The following TGFB3 variants were observed in gnomAD, a reference collection of about 807,000 sequenced individuals.
TGFB3 encodes transforming growth factor beta 3, also known as transforming growth factor beta-3 proprotein.
In TGFB3, 5 loss-of-function variants were observed where a neutral mutation model predicts 40.1. The observed-to-expected ratio is 0.12, with a 90% CI of 0.07 to 0.26. The LOEUF (loss-of-function observed/expected upper bound fraction) is 0.26. Among genes scored for constraint, TGFB3 ranks in the 10% least tolerant of loss-of-function variants. TGFB3 has a pLI of 1.00. For missense variants in TGFB3, 373 were observed against 530.1 expected (o/e 0.70, Z 2.91); for synonymous variants, 184 against 205.6 (o/e 0.89, Z 0.90).
intron 5 of TGFB3, among the ~76,000 whole-genome samples, chr14:75,962,511 GACTC>G (rs2035169300): frequency 6.6e-6 from 1 of 152,142 alleles, no homozygotes; most frequent in Non-Finnish European, 1.5e-5. Context: ...AGGCCAGATG[GACTC>G]ACTCACTCAT....
At position 75,958,675 on chromosome 14, in the gene TGFB3, T is replaced by C. The variant is rs1015808317; in HGVS notation, c.*512A>G. The C allele has an allele frequency of 1.9e-5, 4 of 214,232 alleles. No homozygotes were observed. Among genetic ancestry groups the C allele is most frequent in the African/African-American group, 6.9e-5 (3 of 43,318 alleles). The allele number at this position is 214,232 out of a possible 1,614,324, so 13.3% of individuals were successfully genotyped here. ...AATCCCAGACAGTATGAGATACAAT[T>C]CTGGGACTTTGTCTTCGTAACCTGT... On this transcript the variant is annotated 3_prime_UTR_variant, in exon 7 of 7. Coordinates refer to ENST00000238682, the MANE Select transcript of TGFB3 (RefSeq NM_003239.5).
intron 3 of TGFB3, among the ~76,000 whole-genome samples, chr14:75,969,035 T>G (rs556581147): frequency 6.6e-6 from 1 of 152,126 alleles, no homozygotes; most frequent in African/African-American, 2.4e-5. Flanking sequence ...CTCTGACGGA[T>G]GGTTATCAGG....
intron 5 of TGFB3, 167 bp downstream of exon 5, chr14:75,963,149 A>G: frequency 1.2e-6 from 1 of 810,416 alleles, no homozygotes; most frequent in South Asian, 1.5e-5. Context: ...ACAGAAAGAG[A>G]TTTCACAGAG....
intron 5 of TGFB3, among the ~76,000 whole-genome samples, chr14:75,962,686 T>G (rs1346469219): frequency 6.6e-6 from 1 of 152,174 alleles, no homozygotes; most frequent in Non-Finnish European, 1.5e-5. Context: ...TCGGACCCTC[T>G]CATGGGCGTG....
chr14:75,965,577 C>A lies in TGFB3; in HGVS notation c.754+11G>T. On this transcript the variant is annotated intron_variant, in intron 4 of 6. Coordinates refer to ENST00000238682, the MANE Select transcript of TGFB3 (RefSeq NM_003239.5). ...ACTCACCCATCCTACCATACACATT[C>A]ATTTTGTTACCTTTGAATTTGATTT... The A allele has an allele frequency of 1.2e-6, 2 of 1,606,344 alleles. No homozygotes were observed. The highest frequency in any genetic ancestry group is 1.7e-6 in the Non-Finnish European group (2 of 1,172,946).
chr14:75,965,973 C>G (rs1346124325), intron 3 of TGFB3: 3 of 457,324 alleles, frequency 6.6e-6, no homozygotes, highest in Non-Finnish European at 1.2e-5. Flanking sequence ...TAATCATTCC[C>G]TTTGAAAGGA....
At chr14:75,967,397 G>A (rs186011928) in intron 3 of TGFB3, among the ~76,000 whole-genome samples, 69 of 152,312 alleles carry the variant, frequency 4.5e-4, no homozygotes, top group Middle Eastern at 3.4e-3. Flanking sequence ...TGAATGGAGA[G>A]GGAGGTATGA....
In TGFB3 at chr14:75,980,709, A is replaced by T; in HGVS notation, c.185T>A (p.Met62Lys). ...RLTSPPEPTV[M>K]THVPYQVLAL... ...CAGGACCTGATAGGGGACGTGGGTC[A>T]TCACCGTTGGCTCAGGGGGGCTGGT... is the stretch of plus-strand genomic sequence containing the variant. The change falls in exon 1 of 7, where the codon ATG (methionine) becomes AAG (lysine). Residue 62 changes from methionine to lysine, a missense_variant. Met to Lys is a moderately conservative substitution (Grantham distance 95, BLOSUM62 -1). Transcript: ENST00000238682. The surrounding 1 kb of genome is among the most constrained non-coding windows in gnomAD (Gnocchi z 4.3). 10 of 1,614,184 alleles carry T rather than the reference A, an allele frequency of 6.2e-6. No individual in the cohort carries two copies. Among genetic ancestry groups the T allele is most frequent in the Non-Finnish European group, 8.5e-6 (10 of 1,180,030 alleles).
rs576214459 is a variant in TGFB3 at position 75,980,639 on chromosome 14, C to A, written c.255G>T (p.Gly85=). The A allele has an allele frequency of 1.2e-6, 2 of 1,614,228 alleles. No individual in the cohort carries two copies. Among genetic ancestry groups the A allele is most frequent in the African/African-American group, 1.3e-5 (1 of 75,060 alleles). Residue 85 remains glycine (G), a synonymous_variant, in exon 1 of 7, where the codon GGG becomes GGT. Transcript: ENST00000238682. This position sits in a 1 kb window ranked among gnomAD's most constrained non-coding sequence, Gnocchi z 4.3. ...CCTGGGTGCAGCCTTCCTCCCTCTC[C>A]CCATGCATCTCCTCCAGCAGCTCCC... The part of the protein sequence containing the change: ...STRELLEEMH[G]EREEGCTQEN...
chr14:75,963,131 C>A (rs983376168), intron 5 of TGFB3, 185 bp downstream of exon 5: 21 of 733,074 alleles, frequency 2.9e-5, no homozygotes, highest in Non-Finnish European at 4.7e-5. Context: ...AGTGGGACTC[C>A]CAGGAAAACA....
chr14:75,980,469 C>CA lies in TGFB3; in HGVS notation c.352+72_352+73insT. The CA allele has an allele frequency of 6.8e-7, 1 of 1,478,284 alleles. No homozygotes were observed. Among genetic ancestry groups the CA allele is most frequent in the Non-Finnish European group, 9.5e-7 (1 of 1,057,610 alleles). The allele number at this position is 1,478,284 out of a possible 1,614,324, so 91.6% of individuals were successfully genotyped here. A position where few individuals can be genotyped will look rare whatever the true frequency, so the allele number is the denominator to read the frequency against. On this transcript the variant is annotated intron_variant, in intron 1 of 6. Transcript: ENST00000238682. The surrounding 1 kb of genome is among the most constrained non-coding windows in gnomAD (Gnocchi z 4.3). ...ACCCTGCTGTGTGGCCAGCACTAGG[C>CA]CCCCCTCTGCAGAGCTCCCAGCTCC...
In TGFB3 at chr14:75,979,781, C is replaced by T. The variant is rs1023964355; in HGVS notation, c.352+761G>A. On this transcript the variant is annotated intron_variant, in intron 1 of 6. Transcript: ENST00000238682. The surrounding 1 kb of genome is among the most constrained non-coding windows in gnomAD (Gnocchi z 4.8). ...ACACAAAGGGCGCCAGCCTCCTCTACGCATCCACAGCCAAAACCCGCTCTC... is the reference window on the plus strand; with the variant it reads ...ACACAAAGGGCGCCAGCCTCCTCTATGCATCCACAGCCAAAACCCGCTCTC... Among the ~76,000 whole-genome samples the T allele has an allele frequency of 3.3e-5, 5 of 151,128 alleles. No individual in the cohort carries two copies. Among genetic ancestry groups the T allele is most frequent in the African/African-American group, 4.9e-5 (2 of 41,096 alleles).
Position 75,980,630 on chromosome 14 carries a change from C to T in TGFB3, c.264G>A (p.Glu88=). The T allele has an allele frequency of 1.4e-5, 22 of 1,614,222 alleles. No homozygotes were observed. Among genetic ancestry groups the T allele is most frequent in the Non-Finnish European group, 1.9e-5 (22 of 1,180,050 alleles). Residue 88 remains glutamate, a synonymous_variant, in exon 1 of 7, where the codon GAG becomes GAA. Coordinates refer to ENST00000238682, the MANE Select transcript of TGFB3 (RefSeq NM_003239.5). The surrounding 1 kb of genome is among the most constrained non-coding windows in gnomAD (Gnocchi z 4.3). The part of the protein sequence containing the change: ...ELLEEMHGER[E]EGCTQENTES... ...CGGTGTTTTCCTGGGTGCAGCCTTCCTCCCTCTCCCCATGCATCTCCTCCA... is the reference window on the plus strand; with the variant it reads ...CGGTGTTTTCCTGGGTGCAGCCTTCTTCCCTCTCCCCATGCATCTCCTCCA...
rs1247545824 is a variant in TGFB3, at chr14:75,979,715, A to T, written c.352+827T>A. ...GACATATCCCCCCCCCCCACCATGC[A>T]CCCACTGCCACCCCTCCACCCGCTC... On this transcript the variant is annotated intron_variant, in intron 1 of 6. Coordinates refer to ENST00000238682, the MANE Select transcript of TGFB3 (RefSeq NM_003239.5). The surrounding 1 kb of genome is among the most constrained non-coding windows in gnomAD (Gnocchi z 4.8). Among the ~76,000 whole-genome samples the T allele has an allele frequency of 1.3e-5, 1 of 76,858 alleles. No homozygotes were observed. The highest frequency in any genetic ancestry group is 2.9e-5 in the Non-Finnish European group (1 of 34,722). 50.4% of individuals were successfully genotyped at this position (76,858 alleles called of 152,430 possible).
intron 1 of TGFB3, among the ~76,000 whole-genome samples, chr14:75,977,756 C>T (rs900014811): frequency 2.6e-5 from 4 of 151,588 alleles, no homozygotes; most frequent in Non-Finnish European, 4.4e-5. Flanking sequence ...TCTGACCTCT[C>T]CTGCTTGGTC....
chr14:75,982,385 G>A (rs1462515208), upstream of TGFB3, among the ~76,000 whole-genome samples: 5 of 152,282 alleles, frequency 3.3e-5, no homozygotes, highest in South Asian at 1.0e-3. The surrounding 1 kb of genome is among the most constrained non-coding windows in gnomAD (Gnocchi z 4.0). Flanking sequence ...GCCCAACCCG[G>A]GGCAGGGTCC....
chr14:75,963,756 A>C (rs2035188447), intron 4 of TGFB3, among the ~76,000 whole-genome samples: 1 of 152,190 alleles, frequency 6.6e-6, no homozygotes, highest in Non-Finnish European at 1.5e-5. Flanking sequence ...CCTTGTATAG[A>C]AATCTTCCAA....
rs1368162205 is a variant in TGFB3 at position 75,981,291 on chromosome 14, G to T, written c.-398C>A. 4.0e-6 allele frequency: 1 copy of T among 248,244 alleles called. No individual in the cohort carries two copies. The highest frequency in any genetic ancestry group is 7.9e-6 in the Non-Finnish European group (1 of 125,792). The allele number at this position is 248,244 out of a possible 1,614,324, so 15.4% of individuals were successfully genotyped here. On this transcript the variant is annotated 5_prime_UTR_variant, in exon 1 of 7. Transcript: ENST00000238682. This position sits in a 1 kb window ranked among gnomAD's most constrained non-coding sequence, Gnocchi z 4.7. ...GAGTGGATATCTGATATTGCCAAAC[G>T]CCGCTTGGCGATGGGGAGAAAGTGG... is the stretch of plus-strand genomic sequence containing the variant.
At chr14:75,968,746 G>A (rs2140242951) in intron 3 of TGFB3, among the ~76,000 whole-genome samples, 1 of 152,260 alleles carries the variant, frequency 6.6e-6, no homozygotes, top group East Asian at 1.9e-4. Flanking sequence ...TTGGGACTGG[G>A]GCAGGATCTT....
Sources: gnomAD v4.1 joint callset for allele counts (sites outside exome capture counted in the v4.1 genomes callset) on GRCh38, gnomAD v4.1.1 for gene constraint, Gnocchi (gnomAD v3.1) non-coding constraint, MANE v1.5 for transcripts, NCBI Gene and HGNC (gene_info 2026-07-23, HGNC 2026-07-21) for gene names.